ELOVL6: variants seen among roughly 807,000 people sequenced by gnomAD.
ELOVL6 encodes the protein very long chain fatty acid elongase 6.
A neutral mutation model predicts 31.7 loss-of-function variants in ELOVL6; 8 were observed. The ratio of observed to expected loss-of-function variants is 0.25; its 90% CI spans 0.15 to 0.45. The LOEUF (loss-of-function observed/expected upper bound fraction) is 0.45. Ranked by LOEUF, ELOVL6 falls within the 20% of genes least tolerant of loss-of-function variation. The pLI, the probability that ELOVL6 is intolerant of heterozygous loss-of-function variation, is 1.00. For synonymous variants in ELOVL6, 101 were observed against 117.7 expected (o/e 0.86, Z 0.92); for missense variants, 126 against 326.4 (o/e 0.39, Z 4.73).
chr4:110,102,099 C>T (rs1224758356), intron 2 of ELOVL6, among the ~76,000 whole-genome samples: 2 of 152,100 alleles, frequency 1.3e-5, no homozygotes, highest in Non-Finnish European at 2.9e-5. Flanking sequence ...TATGTTCTTC[C>T]AAACACAGAA....
At chr4:110,184,028 C>A (rs1759372158) in intron 1 of ELOVL6, among the ~76,000 whole-genome samples, 1 of 152,162 alleles carries the variant, frequency 6.6e-6, no homozygotes, top group African/African-American at 2.4e-5. Flanking sequence ...AATCATCTCT[C>A]TCTGATTGGA....
chr4:110,133,074 C>T (rs1019069374), intron 1 of ELOVL6, among the ~76,000 whole-genome samples: 2 of 151,432 alleles, frequency 1.3e-5, no homozygotes, highest in East Asian at 1.9e-4. Flanking sequence ...ATGGGAAGGG[C>T]GGGGAGCATC....
intron 2 of ELOVL6, among the ~76,000 whole-genome samples, chr4:110,095,868 A>C (rs776932255): frequency 8.5e-5 from 13 of 152,190 alleles, no homozygotes; most frequent in Non-Finnish European, 1.6e-4. Flanking sequence ...TGACTGGGTA[A>C]AGGAGATTTG....
At chr4:110,144,912 C>T (rs1045154824) in intron 1 of ELOVL6, among the ~76,000 whole-genome samples, 1 of 152,062 alleles carries the variant, frequency 6.6e-6, no homozygotes, top group African/African-American at 2.4e-5. Context: ...AAACCTTTCT[C>T]TTCTATTGTA....
chr4:110,089,078 C>G (rs938397579), intron 2 of ELOVL6, among the ~76,000 whole-genome samples: 5 of 152,110 alleles, frequency 3.3e-5, no homozygotes, highest in African/African-American at 1.2e-4. Context: ...GTCTTTTTAA[C>G]TTTGTGTTAT....
intron 3 of ELOVL6, among the ~76,000 whole-genome samples, chr4:110,055,964 A>G (rs1754968632): frequency 6.6e-6 from 1 of 152,092 alleles, no homozygotes; most frequent in African/African-American, 2.4e-5. Context: ...GCTATTTATT[A>G]AGAGTTTAGT....
chr4:110,136,424 T>G (rs549546483), intron 1 of ELOVL6, among the ~76,000 whole-genome samples: 15 of 152,292 alleles, frequency 9.8e-5, no homozygotes, highest in African/African-American at 3.6e-4. Context: ...TAAGTAGTAA[T>G]AAAGAAAATA....
In ELOVL6 at chr4:110,156,585, C is replaced by T. The variant is rs973691441; in HGVS notation, c.89+41662G>A. 2.6e-5 allele frequency among the ~76,000 whole-genome samples: 4 copies of T among 152,184 alleles called. No individual in the cohort carries two copies. In the East Asian group the frequency reaches 7.7e-4, roughly 29 times the overall value. Reference sequence around the variant, plus strand: ...TCTGCAGTCTCGACTACTCAGAAGGCTGAGGTGGGAGGATCACTTGAGCCC... The same window carrying T: ...TCTGCAGTCTCGACTACTCAGAAGGTTGAGGTGGGAGGATCACTTGAGCCC... On this transcript the variant is annotated intron_variant, in intron 1 of 3. Coordinates refer to ENST00000302274, the MANE Select transcript of ELOVL6 (RefSeq NM_024090.3).
intron 1 of ELOVL6, among the ~76,000 whole-genome samples, chr4:110,143,421 A>G (rs2126262407): frequency 6.6e-6 from 1 of 152,316 alleles, no homozygotes. Context: ...AGAAAATTTC[A>G]TGTTCTGATT....
intron 2 of ELOVL6, among the ~76,000 whole-genome samples, chr4:110,072,957 T>A (rs1755533049): frequency 6.6e-6 from 1 of 152,178 alleles, no homozygotes; most frequent in Admixed American, 6.5e-5. Context: ...AAAATGAGAA[T>A]CATACACAGA....
intron 3 of ELOVL6, among the ~76,000 whole-genome samples, chr4:110,058,064 C>T (rs1444352856): frequency 6.6e-6 from 1 of 152,182 alleles, no homozygotes; most frequent in Non-Finnish European, 1.5e-5. Flanking sequence ...GTGAAAACCA[C>T]TTCTCTAGCC....
chr4:110,105,926 CTT>C (rs1047410028), intron 1 of ELOVL6, among the ~76,000 whole-genome samples: 1 of 152,190 alleles, frequency 6.6e-6, no homozygotes, highest in Admixed American at 6.6e-5. Flanking sequence ...AAAAAGTAGT[CTT>C]TTCACTGAGA....
intron 1 of ELOVL6, among the ~76,000 whole-genome samples, chr4:110,166,028 A>G (rs145002439): frequency 3.3e-5 from 5 of 151,902 alleles, no homozygotes; most frequent in African/African-American, 7.3e-5. Flanking sequence ...GAGCCTCAGC[A>G]CTCCTGGGAC....
chr4:110,151,582 G>A (rs62326600), intron 1 of ELOVL6, among the ~76,000 whole-genome samples: 6,709 of 152,222 alleles, frequency 0.044, 212 homozygotes, highest in South Asian at 0.11. Context: ...AGATGCTTGG[G>A]TGTGTCAGAA....
chr4:110,057,718 G>A (rs1202006829), intron 3 of ELOVL6, among the ~76,000 whole-genome samples: 1 of 151,810 alleles, frequency 6.6e-6, no homozygotes. Context: ...GGGTGTAGTG[G>A]CACACACCTG....
At chr4:110,110,778 C>T (rs968513639) in intron 1 of ELOVL6, among the ~76,000 whole-genome samples, 2 of 152,018 alleles carry the variant, frequency 1.3e-5, no homozygotes, top group African/African-American at 2.4e-5. Flanking sequence ...AAAATATGCC[C>T]GTAATTGATA....
chr4:110,144,481 T>C (rs1341278934), intron 1 of ELOVL6, among the ~76,000 whole-genome samples: 1 of 152,228 alleles, frequency 6.6e-6, no homozygotes, highest in African/African-American at 2.4e-5. Context: ...AATATGAACA[T>C]TTTATATAAA....
chr4:110,091,483 C>G (rs1380931740), intron 2 of ELOVL6, among the ~76,000 whole-genome samples: 3 of 152,166 alleles, frequency 2.0e-5, no homozygotes, highest in Non-Finnish European at 4.4e-5. Flanking sequence ...TCCTGCTTTG[C>G]TTTTTACCTA....
chr4:110,052,351 C>T (rs186153922), intron 3 of ELOVL6, among the ~76,000 whole-genome samples: 1 of 152,296 alleles, frequency 6.6e-6, no homozygotes, highest in East Asian at 1.9e-4. Flanking sequence ...AATTACACAG[C>T]CTTGCCAAAT....
Sources: gnomAD v4.1 joint callset for allele counts (sites outside exome capture counted in the v4.1 genomes callset) on GRCh38, gnomAD v4.1.1 for gene constraint, MANE v1.5 for transcripts, NCBI Gene and HGNC (gene_info 2026-07-23, HGNC 2026-07-21) for gene names.